TTLL11: variants seen among roughly 807,000 people sequenced by gnomAD.
TTLL11 encodes the protein tubulin tyrosine ligase like 11, also known as tubulin polyglutamylase TTLL11.
TTLL11 carries 42 observed loss-of-function variants against 51.7 expected under a neutral mutation model. The observed-to-expected ratio is 0.81, with a 90% CI of 0.64 to 1.05. The LOEUF is 1.05. Ranked by LOEUF, TTLL11 falls within the 50% of genes least tolerant of loss-of-function variation. The pLI is 0.00. For missense variants in TTLL11, 799 were observed against 940.4 expected (o/e 0.85, Z 1.97); for synonymous variants, 381 against 383.5 (o/e 0.99, Z 0.08).
At chr9:121,898,649 T>C (rs1839639171) in intron 6 of TTLL11, among the ~76,000 whole-genome samples, 1 of 152,198 alleles carries the variant, frequency 6.6e-6, no homozygotes, top group Admixed American at 6.5e-5. Flanking sequence ...CCAGGCACGG[T>C]GGGCTCCCTG....
intron 4 of TTLL11, among the ~76,000 whole-genome samples, chr9:121,985,034 G>A (rs192519360): frequency 4.6e-5 from 7 of 152,302 alleles, no homozygotes; most frequent in Admixed American, 6.5e-5. Flanking sequence ...CCCACAGCCT[G>A]AGCAGTGCCC....
At chr9:121,926,143 T>C (rs1459227627) in intron 6 of TTLL11, among the ~76,000 whole-genome samples, 1 of 152,170 alleles carries the variant, frequency 6.6e-6, no homozygotes, top group Admixed American at 6.5e-5. Flanking sequence ...CTTCACACGC[T>C]TCTGCCAGGA....
At chr9:121,994,628 G>A (rs1843203106) in intron 3 of TTLL11, among the ~76,000 whole-genome samples, 1 of 152,214 alleles carries the variant, frequency 6.6e-6, no homozygotes, top group Admixed American at 6.5e-5. Context: ...TGTATGAGAA[G>A]GGGATGGAGG....
In TTLL11 at chr9:121,822,518, G is replaced by C. The variant is rs1588047142; in HGVS notation, c.*69C>G. ...CCTGCCTGCCATTCCTCTGCAGGCA[G>C]AATGCCTGGGGCGCTCCAGCCCTGA... is the stretch of plus-strand genomic sequence containing the variant. On this transcript the variant is annotated 3_prime_UTR_variant, in exon 9 of 9. Coordinates refer to ENST00000321582, the MANE Select transcript of TTLL11 (RefSeq NM_001139442.2). This position sits in a 1 kb window ranked among gnomAD's most constrained non-coding sequence, Gnocchi z 5.8. 4 of 1,369,178 alleles carry C rather than the reference G, an allele frequency of 2.9e-6. No homozygotes were observed. The African/African-American group carries it at 6.0e-5, about 20-fold the overall frequency. The allele number at this position is 1,369,178 out of a possible 1,614,324, so 84.8% of individuals were successfully genotyped here.
chr9:122,009,278 C>T (rs953457598), intron 3 of TTLL11, among the ~76,000 whole-genome samples: 2 of 152,042 alleles, frequency 1.3e-5, no homozygotes, highest in East Asian at 3.8e-4. Context: ...TATTTCAAAA[C>T]AACATGTTGT....
chr9:121,908,881 A>T (rs903574973), intron 6 of TTLL11, among the ~76,000 whole-genome samples: 5 of 152,218 alleles, frequency 3.3e-5, no homozygotes, highest in Admixed American at 1.3e-4. Context: ...ACTTGATTAC[A>T]TCTGTAAATA....
intron 2 of TTLL11, among the ~76,000 whole-genome samples, chr9:122,032,811 T>C (rs902077747): frequency 1.3e-5 from 2 of 151,508 alleles, no homozygotes; most frequent in Non-Finnish European, 2.9e-5. Context: ...TTTTTTTTTT[T>C]TGAAACACAG....
intron 6 of TTLL11, among the ~76,000 whole-genome samples, chr9:121,933,688 CA>C (rs1236284327): frequency 1.3e-5 from 2 of 151,602 alleles, no homozygotes; most frequent in Non-Finnish European, 2.9e-5. Flanking sequence ...TCCAAAACAA[CA>C]AAAAAAGTTA....
chr9:121,914,545 C>G (rs73664721), intron 6 of TTLL11, among the ~76,000 whole-genome samples: 4,462 of 152,264 alleles, frequency 0.029, 164 homozygotes, highest in African/African-American at 0.082. Flanking sequence ...AGCCCCCAAG[C>G]TGCCCAGTAA....
At chr9:122,027,482 T>G (rs1339184572) in intron 3 of TTLL11, among the ~76,000 whole-genome samples, 1 of 152,116 alleles carries the variant, frequency 6.6e-6, no homozygotes, top group Admixed American at 6.6e-5. Context: ...AGGACATTAG[T>G]AGGACAACAG....
chr9:122,073,625 G>A (rs1242602597), intron 1 of TTLL11, among the ~76,000 whole-genome samples: 1 of 152,138 alleles, frequency 6.6e-6, no homozygotes, highest in Non-Finnish European at 1.5e-5. Flanking sequence ...TAGGCAGGCA[G>A]AAAGAAGATC....
At chr9:121,887,604 G>A (rs188816013) in intron 6 of TTLL11, among the ~76,000 whole-genome samples, 3 of 152,328 alleles carry the variant, frequency 2.0e-5, no homozygotes, top group Non-Finnish European at 2.9e-5. Flanking sequence ...GCACTAGCTC[G>A]GTGTCCCGTG....
intron 6 of TTLL11, among the ~76,000 whole-genome samples, chr9:121,932,813 T>C (rs534809679): frequency 6.6e-6 from 1 of 152,274 alleles, no homozygotes; most frequent in African/African-American, 2.4e-5. Flanking sequence ...ACCATTAAAA[T>C]GGCAAGTATG....
chr9:122,055,409 A>G (rs1845268174), intron 1 of TTLL11, among the ~76,000 whole-genome samples: 1 of 152,164 alleles, frequency 6.6e-6, no homozygotes, highest in Non-Finnish European at 1.5e-5. Context: ...GTGGGCTGGG[A>G]AGCTAAGCCA....
intron 1 of TTLL11, among the ~76,000 whole-genome samples, chr9:122,091,449 G>A (rs1846256785): frequency 6.6e-6 from 1 of 152,182 alleles, no homozygotes; most frequent in African/African-American, 2.4e-5. Context: ...TGGGGGCCCA[G>A]ACACTTGGAG....
rs187734764 is a variant in TTLL11, at chr9:121,945,849, C to T, written c.1481+28160G>A. On this transcript the variant is annotated intron_variant, in intron 6 of 8. Transcript: ENST00000321582. The stretch of plus-strand genomic sequence containing the variant: ...GAAATTTCTGGAAATTACAAACACA[C>T]TCCACTTCCCTGGAAAGTCACCCTT... Among the ~76,000 whole-genome samples the T allele has an allele frequency of 3.9e-3, 587 of 152,290 alleles. 4 individuals carry two copies. Among genetic ancestry groups the T allele is most frequent in the African/African-American group, 0.013 (556 of 41,554 alleles).
In TTLL11 at chr9:122,002,944, C is replaced by CAAAAAAAAAAAAAAAAAA. The variant is rs547408355; in HGVS notation, c.694-13192_694-13175dup. On this transcript the variant is annotated intron_variant, in intron 3 of 8. Transcript: ENST00000321582. ...CTGGCAACAGAGTGAGACTCTGTCT[C>CAAAAAAAAAAAAAAAAAA]AAAAAAAAAAAAAAAAAAAAGAGAT... Among the ~76,000 whole-genome samples the CAAAAAAAAAAAAAAAAAA allele has an allele frequency of 4.3e-3, 262 of 61,194 alleles. 4 individuals carry two copies. Among genetic ancestry groups the CAAAAAAAAAAAAAAAAAA allele is most frequent in the Non-Finnish European group, 6.1e-3 (218 of 35,572 alleles). 40.1% of individuals were successfully genotyped at this position (61,194 alleles called of 152,430 possible). A position where few individuals can be genotyped will look rare whatever the true frequency, so the allele number is the denominator to read the frequency against.
In TTLL11 at chr9:121,816,652, G is replaced by GTGTGTGCA. The variant is rs890331324; in HGVS notation, c.*5927_*5934dup. On this transcript the variant is annotated 3_prime_UTR_variant, in exon 9 of 9. Coordinates refer to ENST00000321582, the MANE Select transcript of TTLL11 (RefSeq NM_001139442.2). The stretch of plus-strand genomic sequence containing the variant: ...GTGTGGTGTGTGCGCGCACATGCGT[G>GTGTGTGCA]TGTGTGCATGTGTGCGTGTGTGCAT... 1.5e-5 allele frequency: 2 copies of GTGTGTGCA among 133,602 alleles called. No individual in the cohort carries two copies. The highest frequency in any genetic ancestry group is 6.9e-5 in the Admixed American group (1 of 14,516). 8.3% of individuals were successfully genotyped at this position (133,602 alleles called of 1,614,324 possible). A position where few individuals can be genotyped will look rare whatever the true frequency, so the allele number is the denominator to read the frequency against.
intron 8 of TTLL11, among the ~76,000 whole-genome samples, chr9:121,828,724 A>G (rs1352600461): frequency 6.6e-6 from 1 of 152,106 alleles, no homozygotes; most frequent in African/African-American, 2.4e-5. Context: ...TTACAATAAA[A>G]CCCTTGGGAC....
Sources: allele counts gnomAD v4.1 joint callset (sites outside exome capture counted in the v4.1 genomes callset), GRCh38; gene constraint gnomAD v4.1.1; non-coding constraint Gnocchi (gnomAD v3.1); transcripts MANE v1.5; gene names NCBI Gene and HGNC (gene_info 2026-07-23, HGNC 2026-07-21).